AHNAK2: variants seen among roughly 807,000 people sequenced by gnomAD.
The protein encoded by AHNAK2 is protein AHNAK2.
Under a neutral mutation model 30.7 loss-of-function variants are expected in AHNAK2, and 18 were observed. That is an observed-to-expected ratio of 0.59 (90% CI 0.41 to 0.87). The LOEUF (loss-of-function observed/expected upper bound fraction) is 0.87. Ranked by LOEUF, AHNAK2 falls within the 40% of genes least tolerant of loss-of-function variation. The probability of loss-of-function intolerance (pLI) is 0.00; values close to 1 mark genes in which losing one functional copy is unlikely to be tolerated. For synonymous variants in AHNAK2, 3,590 were observed against 3,073.8 expected (o/e 1.17, Z -5.56); for missense variants, 8,604 against 7,373.0 (o/e 1.17, Z -6.11).
Position 104,943,073 on chromosome 14 carries a change from C to T in AHNAK2, c.12378G>A (p.Val4126=). Residue 4126 remains valine, a synonymous_variant, in exon 7 of 7, where the codon GTG becomes GTA. Transcript: ENST00000333244. ...EGDLSLADKD[V]TAKDSKFKMP... ...TTTTGAACTTGCTGTCTTTGGCAGTCACATCCTTGTCGGCCAGGGACAGGT... is the reference window on the plus strand; with the variant it reads ...TTTTGAACTTGCTGTCTTTGGCAGTTACATCCTTGTCGGCCAGGGACAGGT... The T allele has an allele frequency of 6.2e-7, 1 of 1,606,928 alleles. No homozygotes were observed. Among genetic ancestry groups the T allele is most frequent in the African/African-American group, 1.3e-5 (1 of 74,658 alleles).
intron 1 of AHNAK2, chr14:104,970,498 G>A (rs1432856108): frequency 1.0e-6 from 1 of 985,232 alleles, no homozygotes; most frequent in Non-Finnish European, 1.2e-6. Context: ...CAGAAGCGAA[G>A]ATCCCAACTG....
intron 1 of AHNAK2, among the ~76,000 whole-genome samples, chr14:104,968,380 G>C (rs974637703): frequency 6.6e-6 from 1 of 152,138 alleles, no homozygotes; most frequent in Admixed American, 6.5e-5. Context: ...GTGTCTGGGG[G>C]ACGAGCAGAT....
At position 104,946,351 on chromosome 14, in the gene AHNAK2, G is replaced by A; in HGVS notation, c.9100C>T (p.Gln3034Ter). 6.2e-7 allele frequency: 1 copy of A among 1,611,940 alleles called. No homozygotes were observed. Among genetic ancestry groups the A allele is most frequent in the South Asian group, 1.1e-5 (1 of 90,968 alleles). ...TDISIEPPSA[Q>*]LEVQAGQVDL... ...ACCTGGCCAGCCTGGACCTCCAGTT[G>A]GGCAGAGGGGGGCTCAATGCTGATG... The change falls in exon 7 of 7, where the codon CAA becomes TAA. Residue 3034 changes from glutamine (Q) to a stop codon, truncating the protein, a stop_gained. Transcript: ENST00000333244. LOFTEE classifies it low-confidence loss of function (END_TRUNC).
rs544610212 is a variant in AHNAK2 at position 104,954,386 on chromosome 14, G to T, written c.1065C>A (p.Val355=). ...GFQSGVGRAG[V]LEELGPWGDS... ...CACCCCAGGGCCCCAACTCTTCCAG[G>T]ACCCCAGCACGGCCCACCCCACTCT... The change falls in exon 7 of 7, where the codon GTC becomes GTA. Residue 355 remains valine, a synonymous_variant. Transcript: ENST00000333244. The surrounding 1 kb of genome is among the most constrained non-coding windows in gnomAD (Gnocchi z 4.3). 1.9e-6 allele frequency: 3 copies of T among 1,613,188 alleles called. No individual in the cohort carries two copies. The South Asian group carries it at 3.3e-5, about 18-fold the overall frequency.
chr14:104,943,926 A>C lies in AHNAK2; in HGVS notation c.11525T>G (p.Met3842Arg). Residue 3842 changes from methionine (M) to arginine (R), a missense_variant, in exon 7 of 7, where the codon ATG (methionine) becomes AGG (arginine). Coordinates refer to ENST00000333244, the MANE Select transcript of AHNAK2 (RefSeq NM_138420.4). ...KVEADVSLPS[M>R]QGDLKTTDLS... ...GTCAGTGGTCTTGAGGTCCCCCTGC[A>C]TGGAGGGGAGACTCACATCGGCCTC... The C allele has an allele frequency of 6.2e-7, 1 of 1,613,050 alleles. No homozygotes were observed. The highest frequency in any genetic ancestry group is 1.1e-5 in the South Asian group (1 of 91,050).
In AHNAK2 at chr14:104,943,587, G is replaced by T; in HGVS notation, c.11864C>A (p.Ser3955Tyr). ...LDGARLEGDL[S>Y]LADKDMTAKD... is the part of the protein sequence containing the mutation. ...GGCCGTCATGTCCTTGTCGGCCAGGGACAGGTCCCCCTCCAGCCGCGCACC... is the reference window on the plus strand; with the variant it reads ...GGCCGTCATGTCCTTGTCGGCCAGGTACAGGTCCCCCTCCAGCCGCGCACC... Residue 3955 changes from serine (S) to tyrosine (Y), a missense_variant, in exon 7 of 7, where the codon TCC becomes TAC. Transcript: ENST00000333244. 6.2e-7 allele frequency: 1 copy of T among 1,613,184 alleles called. No individual in the cohort carries two copies. Among genetic ancestry groups the T allele is most frequent in the Non-Finnish European group, 8.5e-7 (1 of 1,179,646 alleles).
At position 104,948,968 on chromosome 14, in the gene AHNAK2, C is replaced by G. The variant is rs74090124; in HGVS notation, c.6483G>C (p.Pro2161=). Reference sequence around the variant, plus strand: ...TGCCTGGGGCAGACACCCCAAACGACGGCATCTTGAACTTGGGCATTTTGA... The same window carrying G: ...TGCCTGGGGCAGACACCCCAAACGAGGGCATCTTGAACTTGGGCATTTTGA... ...SKFKMPKFKM[P]SFGVSAPGKS... is the part of the protein sequence containing the mutation. The change falls in exon 7 of 7, where the codon CCG becomes CCC. Residue 2161 remains proline, a synonymous_variant. Coordinates refer to ENST00000333244, the MANE Select transcript of AHNAK2 (RefSeq NM_138420.4). 71 of 1,245,352 alleles carry G rather than the reference C, an allele frequency of 5.7e-5. 8 individuals are homozygous for G. Among genetic ancestry groups the G allele is most frequent in the Middle Eastern group, 2.5e-4 (1 of 4,032 alleles). 77.1% of individuals were successfully genotyped at this position (1,245,352 alleles called of 1,614,324 possible).
intron 1 of AHNAK2, among the ~76,000 whole-genome samples, chr14:104,961,326 A>G (rs1240811610): frequency 2.6e-5 from 4 of 151,802 alleles, no homozygotes; most frequent in Non-Finnish European, 5.9e-5. Flanking sequence ...CATCCTGGCT[A>G]ACACAGTGAA....
At position 104,952,600 on chromosome 14, in the gene AHNAK2, C is replaced by T; in HGVS notation, c.2851G>A (p.Glu951Lys). Reference protein sequence around the residue: ...PKLDLKGPKAEVTAPDGEVSL... With the variant: ...PKLDLKGPKAKVTAPDGEVSL... Reference sequence around the variant, plus strand: ...ACCTCGCCATCGGGGGCTGTCACTTCCGCCTTGGGGCCTTTCAGGTCCAGC... The same window carrying T: ...ACCTCGCCATCGGGGGCTGTCACTTTCGCCTTGGGGCCTTTCAGGTCCAGC... Residue 951 changes from glutamate (E) to lysine (K), a missense_variant, in exon 7 of 7, where the codon GAA (glutamate) becomes AAA (lysine). By Grantham distance (56) the Glu-to-Lys change is moderately conservative. Transcript: ENST00000333244. 6.2e-7 allele frequency: 1 copy of T among 1,613,090 alleles called. No individual in the cohort carries two copies. Among genetic ancestry groups the T allele is most frequent in the East Asian group, 2.2e-5 (1 of 44,796 alleles).
chr14:104,942,856 C>T lies in AHNAK2; in HGVS notation c.12595G>A (p.Val4199Met), dbSNP rs201173953. ...GGCAGGGGGCCCTCCGGGAGTTTCA[C>T]GTCCACTTGGCCAGCCTGGACCTCC... ...DLEVQAGQVD[V>M]KLPEGPLPKG... Residue 4199 changes from valine to methionine, a missense_variant, in exon 7 of 7, where the codon GTG (valine) becomes ATG (methionine). Val to Met is a conservative substitution (Grantham distance 21). Transcript: ENST00000333244. The T allele has an allele frequency of 3.5e-5, 56 of 1,612,512 alleles. No individual in the cohort carries two copies. The East Asian group carries it at 1.0e-3, about 30-fold the overall frequency.
rs750400702 is a variant in AHNAK2, at chr14:104,941,124, C to G, written c.14327G>C (p.Gly4776Ala). 6 of 1,613,454 alleles carry G rather than the reference C, an allele frequency of 3.7e-6. No individual in the cohort carries two copies. In the African/African-American group the frequency reaches 6.7e-5, roughly 18 times the overall value. ...GAGAATAGAAGATTCAAAGTGAGGA[C>G]CAGTGAGATCAAGCCGGGATGATGG... Reference protein sequence around the residue: ...GFPSSRLDLTGPHFESSILSP... With the variant: ...GFPSSRLDLTAPHFESSILSP... Residue 4776 changes from glycine to alanine, a missense_variant, in exon 7 of 7, where the codon GGT becomes GCT. Coordinates refer to ENST00000333244, the MANE Select transcript of AHNAK2 (RefSeq NM_138420.4).
intron 1 of AHNAK2, among the ~76,000 whole-genome samples, chr14:104,958,811 C>T (rs538140235): frequency 3.4e-4 from 51 of 151,910 alleles, no homozygotes; most frequent in Non-Finnish European, 5.4e-4. Context: ...CCAAGAAGCG[C>T]GACCAGACCT....
rs201708343 is a variant in AHNAK2, at chr14:104,946,912, C to G, written c.8539G>C (p.Gly2847Arg). Residue 2847 changes from glycine to arginine, a missense_variant, in exon 7 of 7, where the codon GGG becomes CGG. By Grantham distance (125) the Gly-to-Arg change is moderately radical. Coordinates refer to ENST00000333244, the MANE Select transcript of AHNAK2 (RefSeq NM_138420.4). ...TCCCCTTGCATGGAGGGGAAGCTCC[C>G]GTCAGCTTCCACCTTCAGCTCAGAC... ...DVSELKVEAD[G>R]SFPSMQGDLK... The G allele has an allele frequency of 2.5e-6, 4 of 1,611,714 alleles. No individual in the cohort carries two copies. The highest frequency in any genetic ancestry group is 3.4e-6 in the Non-Finnish European group (4 of 1,179,572).
chr14:104,949,425 G>T lies in AHNAK2; in HGVS notation c.6026C>A (p.Ala2009Asp), dbSNP rs374831628. 6 of 1,587,196 alleles carry T rather than the reference G, an allele frequency of 3.8e-6. No individual in the cohort carries two copies. Among genetic ancestry groups the T allele is most frequent in the African/African-American group, 1.4e-5 (1 of 73,428 alleles). The change falls in exon 7 of 7, where the codon GCC (alanine) becomes GAC (aspartate). Residue 2009 changes from alanine (A) to aspartate (D), a missense_variant. By Grantham distance (126) the Ala-to-Asp change is moderately radical. Coordinates refer to ENST00000333244, the MANE Select transcript of AHNAK2 (RefSeq NM_138420.4). ...GVSAPGRSIE[A>D]SVDVPAPKVE... ...CTTGGGTGCAGGCACATCCACCGAG[G>T]CCTCGATGGACCTCCCTGGGGCCGA... is the stretch of plus-strand genomic sequence containing the variant.
chr14:104,946,058 C>G lies in AHNAK2; in HGVS notation c.9393G>C (p.Leu3131=), dbSNP rs1312641523. The change falls in exon 7 of 7, where the codon CTG becomes CTC. Residue 3131 remains leucine (L), a synonymous_variant. Coordinates refer to ENST00000333244, the MANE Select transcript of AHNAK2 (RefSeq NM_138420.4). ...CTTTGGCAGTCACATCCTTGTCGGC[C>G]AGGGACAGGTCCCCCTCCAGCCGTG... The part of the protein sequence containing the change: ...DGARLEGDLS[L]ADKDVTAKDS... 1.2e-6 allele frequency: 2 copies of G among 1,607,984 alleles called. No individual in the cohort carries two copies. Among genetic ancestry groups the G allele is most frequent in the African/African-American group, 2.7e-5 (2 of 73,898 alleles).
chr14:104,954,329 G>A lies in AHNAK2; in HGVS notation c.1122C>T (p.Gly374=). The change falls in exon 7 of 7, where the codon GGC becomes GGT. Residue 374 remains glycine (G), a synonymous_variant. Coordinates refer to ENST00000333244, the MANE Select transcript of AHNAK2 (RefSeq NM_138420.4). This position sits in a 1 kb window ranked among gnomAD's most constrained non-coding sequence, Gnocchi z 4.3. The part of the protein sequence containing the change: ...DSLEETGAAT[G]SRREERAEQD... ...GTTCTGCCCTCTCCTCTCTCCTGCT[G>A]CCTGTGGCAGCCCCAGTCTCCTCGA... 6.2e-7 allele frequency: 1 copy of A among 1,613,538 alleles called. No individual in the cohort carries two copies. Among genetic ancestry groups the A allele is most frequent in the Non-Finnish European group, 8.5e-7 (1 of 1,179,868 alleles).
chr14:104,945,749 G>C lies in AHNAK2; in HGVS notation c.9702C>G (p.Phe3234Leu), dbSNP rs1566904682. Residue 3234 changes from phenylalanine to leucine, a missense_variant, in exon 7 of 7, where the codon TTC becomes TTG. Physicochemically the swap from Phe to Leu is conservative, Grantham distance 22 (BLOSUM62 0). Coordinates refer to ENST00000333244, the MANE Select transcript of AHNAK2 (RefSeq NM_138420.4). ...GHLPKLQMPS[F>L]KMPKVDRKGP... is the part of the protein sequence containing the mutation. ...CCTTGCGATCTACTTTGGGCATCTT[G>C]AAACTGGGCATCTGCAACTTGGGCA... 1 of 1,596,774 alleles carries C rather than the reference G, an allele frequency of 6.3e-7. No individual in the cohort carries two copies. The highest frequency in any genetic ancestry group is 1.4e-5 in the African/African-American group (1 of 73,038).
intron 1 of AHNAK2, among the ~76,000 whole-genome samples, chr14:104,969,658 G>A (rs919778258): frequency 2.0e-5 from 3 of 152,196 alleles, no homozygotes; most frequent in Non-Finnish European, 4.4e-5. Flanking sequence ...GAGGGTGGGA[G>A]CCAGTTGATG....
chr14:104,976,354 C>T (rs1899591989), intron 1 of AHNAK2, among the ~76,000 whole-genome samples: 1 of 152,152 alleles, frequency 6.6e-6, no homozygotes, highest in Admixed American at 6.5e-5. Context: ...GTGTGTCGGG[C>T]AGAGGGCAGG....
Sources: gnomAD v4.1 joint callset for allele counts (sites outside exome capture counted in the v4.1 genomes callset) on GRCh38, gnomAD v4.1.1 for gene constraint, Gnocchi (gnomAD v3.1) non-coding constraint, MANE v1.5 for transcripts, NCBI Gene and HGNC (gene_info 2026-07-23, HGNC 2026-07-21) for gene names.